CHST3: variants seen among roughly 807,000 people sequenced by gnomAD.
CHST3 encodes the protein carbohydrate sulfotransferase 3, also known as C6ST-1.
Under a neutral mutation model 35.4 loss-of-function variants are expected in CHST3, and 20 were observed. That is an observed-to-expected ratio of 0.57 (90% CI 0.40 to 0.82). CHST3 has a LOEUF of 0.82. Ranked by LOEUF, CHST3 falls within the 40% of genes least tolerant of loss-of-function variation. The pLI is 0.00. For missense variants in CHST3, 693 were observed against 670.1 expected (o/e 1.03, Z -0.38); for synonymous variants, 334 against 295.9 (o/e 1.13, Z -1.32).
At chr10:71,983,554 A>G (rs1430622088) in intron 1 of CHST3, among the ~76,000 whole-genome samples, 4 of 152,098 alleles carry the variant, frequency 2.6e-5, no homozygotes, top group Non-Finnish European at 5.9e-5. Flanking sequence ...GGGTTCAAAC[A>G]GTTCTCTTGC....
chr10:72,003,700 CA>C (rs10688056), intron 1 of CHST3, among the ~76,000 whole-genome samples: 1,484 of 111,532 alleles, frequency 0.013, 14 homozygotes, highest in African/African-American at 0.04. Flanking sequence ...GACTCTGTCT[CA>C]AAAAAAAAAA....
intron 1 of CHST3, among the ~76,000 whole-genome samples, chr10:71,997,813 A>G (rs966539867): frequency 1.3e-5 from 2 of 151,590 alleles, no homozygotes; most frequent in African/African-American, 4.8e-5. Flanking sequence ...GATTACAGGC[A>G]TGCGCCACCA....
At position 72,008,642 on chromosome 10, in the gene CHST3, G is replaced by T; in HGVS notation, c.*171G>T. 3 of 1,344,340 alleles carry T rather than the reference G, an allele frequency of 2.2e-6. No individual in the cohort carries two copies. Among genetic ancestry groups the T allele is most frequent in the Non-Finnish European group, 9.8e-7 (1 of 1,020,666 alleles). 83.3% of individuals were successfully genotyped at this position (1,344,340 alleles called of 1,614,324 possible). ...CGGCGGCCCCAGGGTTAATTGCGGA[G>T]AACAGGACAGTGCCCGGTCCCCTTG... On this transcript the variant is annotated 3_prime_UTR_variant, in exon 3 of 3. Coordinates refer to ENST00000373115, the MANE Select transcript of CHST3 (RefSeq NM_004273.5).
chr10:72,005,835 C>T lies in CHST3; in HGVS notation c.-8C>T. ...GCCCGAGGAGCCCCCACGGCCCCACCTTTCCCCATGGAGAAAGGACTCACT... is the reference window on the plus strand; with the variant it reads ...GCCCGAGGAGCCCCCACGGCCCCACTTTTCCCCATGGAGAAAGGACTCACT... On this transcript the variant is annotated 5_prime_UTR_variant, in exon 2 of 3. Coordinates refer to ENST00000373115, the MANE Select transcript of CHST3 (RefSeq NM_004273.5). The T allele has an allele frequency of 6.2e-7, 1 of 1,614,240 alleles. No homozygotes were observed.
At chr10:71,977,533 T>C (rs1839758105) in intron 1 of CHST3, among the ~76,000 whole-genome samples, 1 of 151,280 alleles carries the variant, frequency 6.6e-6, no homozygotes. Context: ...CACTGCAGCC[T>C]TGACCTCCCA....
rs1193482374 is a variant in CHST3, at chr10:72,011,581, C to G, written c.*3110C>G. 1 of 152,398 alleles carries G rather than the reference C, an allele frequency of 6.6e-6. No homozygotes were observed. Among genetic ancestry groups the G allele is most frequent in the South Asian group, 2.1e-4 (1 of 4,824 alleles). The allele number at this position is 152,398 out of a possible 1,614,324, so 9.4% of individuals were successfully genotyped here. ...CAGCTTGTCTGCCAGAAGCCTTCCCCTGCAAGGTGCCCACCTGCCCGGAGA... is the reference window on the plus strand; with the variant it reads ...CAGCTTGTCTGCCAGAAGCCTTCCCGTGCAAGGTGCCCACCTGCCCGGAGA... On this transcript the variant is annotated 3_prime_UTR_variant, in exon 3 of 3. Transcript: ENST00000373115.
At chr10:71,974,220 A>G (rs1294320194) in intron 1 of CHST3, among the ~76,000 whole-genome samples, 3 of 152,208 alleles carry the variant, frequency 2.0e-5, no homozygotes, top group Non-Finnish European at 4.4e-5. Context: ...AGGCCCTTGA[A>G]TGTCATTCTT....
Position 72,008,647 on chromosome 10 carries a change from G to A in CHST3, c.*176G>A. On this transcript the variant is annotated 3_prime_UTR_variant, in exon 3 of 3. Transcript: ENST00000373115. Reference sequence around the variant, plus strand: ...GCCCCAGGGTTAATTGCGGAGAACAGGACAGTGCCCGGTCCCCTTGAGGGC... The same window carrying A: ...GCCCCAGGGTTAATTGCGGAGAACAAGACAGTGCCCGGTCCCCTTGAGGGC... 1 of 1,328,554 alleles carries A rather than the reference G, an allele frequency of 7.5e-7. No homozygotes were observed. Among genetic ancestry groups the A allele is most frequent in the Non-Finnish European group, 9.9e-7 (1 of 1,007,510 alleles). 82.3% of individuals were successfully genotyped at this position (1,328,554 alleles called of 1,614,324 possible).
intron 1 of CHST3, among the ~76,000 whole-genome samples, chr10:72,002,156 C>A (rs1192667663): frequency 1.3e-5 from 2 of 152,178 alleles, no homozygotes; most frequent in African/African-American, 4.8e-5. Flanking sequence ...GCTGTCTGGG[C>A]AGGGCAAGGG....
chr10:71,974,232 C>T (rs1839723296), intron 1 of CHST3, among the ~76,000 whole-genome samples: 1 of 152,186 alleles, frequency 6.6e-6, no homozygotes. Context: ...GTCATTCTTT[C>T]CATTCACTAA....
rs1840086212 is a variant in CHST3 at position 72,009,535 on chromosome 10, G to A, written c.*1064G>A. The A allele has an allele frequency of 6.6e-6, 1 of 152,296 alleles. No homozygotes were observed. The highest frequency in any genetic ancestry group is 2.4e-5 in the African/African-American group (1 of 41,456). 9.4% of individuals were successfully genotyped at this position (152,296 alleles called of 1,614,324 possible). On this transcript the variant is annotated 3_prime_UTR_variant, in exon 3 of 3. Transcript: ENST00000373115. The stretch of plus-strand genomic sequence containing the variant: ...GGCCTGGCAGGCAGAAGCAGCTGTG[G>A]TCCCTGGAGGCAAAAGGCAGCTCAC...
intron 1 of CHST3, among the ~76,000 whole-genome samples, chr10:71,969,666 G>A (rs1839670136): frequency 1.3e-5 from 2 of 152,218 alleles, no homozygotes; most frequent in South Asian, 2.1e-4. Flanking sequence ...ACAGTGACCA[G>A]GACGGAAGTT....
At chr10:71,976,362 C>T (rs1839745813) in intron 1 of CHST3, among the ~76,000 whole-genome samples, 1 of 152,162 alleles carries the variant, frequency 6.6e-6, no homozygotes, top group Admixed American at 6.5e-5. Flanking sequence ...GGTCTGCGGG[C>T]CTGCTGTCTT....
At chr10:71,984,347 C>T (rs976268323) in intron 1 of CHST3, among the ~76,000 whole-genome samples, 1 of 152,230 alleles carries the variant, frequency 6.6e-6, no homozygotes, top group Admixed American at 6.5e-5. Flanking sequence ...CTCCTGTGCT[C>T]GGGCCGCCCC....
At chr10:71,987,354 G>A (rs556153373) in intron 1 of CHST3, among the ~76,000 whole-genome samples, 2 of 152,084 alleles carry the variant, frequency 1.3e-5, no homozygotes, top group African/African-American at 2.4e-5. Flanking sequence ...CCTTCCTGCT[G>A]TCAATGGGAC....
In CHST3 at chr10:72,007,206, C is replaced by T. The variant is rs140362604; in HGVS notation, c.175C>T (p.Leu59=). 3 of 1,614,068 alleles carry T rather than the reference C, an allele frequency of 1.9e-6. No individual in the cohort carries two copies. In the African/African-American group the frequency reaches 4.0e-5, roughly 22 times the overall value. The change falls in exon 3 of 3, where the codon CTA becomes TTA. Residue 59 remains leucine, a synonymous_variant. Transcript: ENST00000373115. Reference sequence around the variant, plus strand: ...CAAGCTGAAGCAGATTCCCCAAGCTCTAGCAGATGCCAACAGCACCGACCC... The same window carrying T: ...CAAGCTGAAGCAGATTCCCCAAGCTTTAGCAGATGCCAACAGCACCGACCC... ...SDKLKQIPQA[L]ADANSTDPAL...
intron 2 of CHST3, among the ~76,000 whole-genome samples, chr10:72,006,546 A>G (rs1403991215): frequency 6.6e-6 from 1 of 152,048 alleles, no homozygotes; most frequent in Non-Finnish European, 1.5e-5. Flanking sequence ...GTACTGCTCA[A>G]CTCCAGGGGC....
At chr10:71,981,922 C>G (rs574475917) in intron 1 of CHST3, among the ~76,000 whole-genome samples, 3 of 152,360 alleles carry the variant, frequency 2.0e-5, no homozygotes, top group Non-Finnish European at 2.9e-5. Context: ...TTTTTAAAAG[C>G]TCTCAGAGTG....
intron 1 of CHST3, among the ~76,000 whole-genome samples, chr10:71,988,527 T>G (rs1402033536): frequency 6.6e-6 from 1 of 152,152 alleles, no homozygotes; most frequent in African/African-American, 2.4e-5. Context: ...CATTCCTGCT[T>G]TTGCCATTTG....
Sources: allele counts gnomAD v4.1 joint callset (sites outside exome capture counted in the v4.1 genomes callset), GRCh38; gene constraint gnomAD v4.1.1; transcripts MANE v1.5; gene names NCBI Gene and HGNC (gene_info 2026-07-23, HGNC 2026-07-21).